NTM: variants seen among roughly 807,000 people sequenced by gnomAD.
The protein encoded by NTM is neurotrimin, also known as IgLON family member 2.
NTM carries 13 observed loss-of-function variants against 42.1 expected under a neutral mutation model. The observed-to-expected ratio is 0.31, with a 90% CI of 0.20 to 0.49. The LOEUF (loss-of-function observed/expected upper bound fraction) is 0.49, where lower values mean the gene tolerates loss of function less well. Ranked by LOEUF, NTM falls within the 20% of genes least tolerant of loss-of-function variation. The pLI is 0.99. For synonymous variants in NTM, 187 were observed against 179.2 expected, an observed-to-expected ratio of 1.04 and a Z score of -0.35; for missense variants, 373 against 452.8, an observed-to-expected ratio of 0.82 and a Z score of 1.60.
chr11:131,720,477 C>T (rs1362009976), intron 1 of NTM, among the ~76,000 whole-genome samples: 2 of 152,156 alleles, frequency 1.3e-5, no homozygotes, highest in African/African-American at 4.8e-5. Context: ...CTGGAAAAGT[C>T]ATCCATTTTT....
intron 1 of NTM, among the ~76,000 whole-genome samples, chr11:131,589,167 A>ATGCG (rs1555158908): frequency 1.4e-5 from 2 of 143,508 alleles, no homozygotes; most frequent in East Asian, 4.0e-4. Context: ...ACCTGGAAAA[A>ATGCG]TGTGTGTGTG....
rs1592118831 is a variant in NTM at position 132,336,770 on chromosome 11, A to G, written c.*1624A>G. On this transcript the variant is annotated 3_prime_UTR_variant, in exon 9 of 9. Coordinates refer to ENST00000683400, the MANE Select transcript of NTM (RefSeq NM_001352005.2). ...GGAAAGGGGGATTGGGGGATCCGGG[A>G]GGGTGGGGTTGTCTCTGACTTGACA... 7.2e-6 allele frequency: 1 copy of G among 138,088 alleles called. No individual in the cohort carries two copies. The highest frequency in any genetic ancestry group is 2.6e-5 in the African/African-American group (1 of 37,950). 8.6% of individuals were successfully genotyped at this position (138,088 alleles called of 1,614,324 possible).
chr11:131,883,190 C>G (rs2049827850), intron 1 of NTM, among the ~76,000 whole-genome samples: 1 of 152,202 alleles, frequency 6.6e-6, no homozygotes, highest in South Asian at 2.1e-4. Context: ...CACATCAGGA[C>G]ATAACCTTTT....
intron 3 of NTM, among the ~76,000 whole-genome samples, chr11:132,154,500 ATTC>A (rs1259485015): frequency 1.3e-5 from 2 of 152,196 alleles, no homozygotes; most frequent in Non-Finnish European, 2.9e-5. Flanking sequence ...TGTAATAATG[ATTC>A]TTCTTCCATA....
At chr11:131,638,707 A>G (rs2064751944) in intron 1 of NTM, among the ~76,000 whole-genome samples, 1 of 152,088 alleles carries the variant, frequency 6.6e-6, no homozygotes, top group African/African-American at 2.4e-5. Context: ...TTCTAAGGAT[A>G]ACGATAGCAT....
Position 131,618,906 on chromosome 11 carries a change from G to A in NTM, c.82+248018G>A, listed in dbSNP as rs571713655. Among the ~76,000 whole-genome samples, 6 of 152,314 alleles carry A rather than the reference G, an allele frequency of 3.9e-5. No homozygotes were observed. The East Asian group carries it at 5.8e-4, about 15-fold the overall frequency. On this transcript the variant is annotated intron_variant, in intron 1 of 8. Transcript: ENST00000683400. ...AGATGGTATTCCTGAAGAAATGAGA[G>A]TGAAGACATAGAAAATCATAATTGT...
rs943513429 is a variant in NTM at position 131,835,162 on chromosome 11, C to A, written c.83-76402C>A. ...GTAGATACCAATTATTTGTTTTCTG[C>A]CAAGATTTAACATATGTATTTGGGC... is the stretch of plus-strand genomic sequence containing the variant. On this transcript the variant is annotated intron_variant, in intron 1 of 8. Coordinates refer to ENST00000683400, the MANE Select transcript of NTM (RefSeq NM_001352005.2). Among the ~76,000 whole-genome samples the A allele has an allele frequency of 2.1e-4, 32 of 151,954 alleles. 2 individuals are homozygous for A. The highest frequency in any genetic ancestry group is 2.9e-5 in the Non-Finnish European group (2 of 67,966).
At chr11:131,890,805 G>T (rs2051205624) in intron 1 of NTM, among the ~76,000 whole-genome samples, 1 of 152,150 alleles carries the variant, frequency 6.6e-6, no homozygotes, top group Admixed American at 6.5e-5. Flanking sequence ...TCTGGGATGA[G>T]GTTGACTTGA....
At chr11:132,187,275 C>T (rs1261996062) in intron 3 of NTM, among the ~76,000 whole-genome samples, 2 of 150,294 alleles carry the variant, frequency 1.3e-5, no homozygotes, top group African/African-American at 2.5e-5. Flanking sequence ...GATTGAATGC[C>T]CTGAAAAAAC....
At chr11:131,577,409 A>C (rs1250871648) in intron 1 of NTM, among the ~76,000 whole-genome samples, 1 of 152,166 alleles carries the variant, frequency 6.6e-6, no homozygotes, top group African/African-American at 2.4e-5. Context: ...CACAGAGCAA[A>C]TGTGGATAAT....
intron 4 of NTM, among the ~76,000 whole-genome samples, chr11:132,306,700 G>A (rs1290462929): frequency 6.6e-6 from 1 of 152,142 alleles, no homozygotes; most frequent in Non-Finnish European, 1.5e-5. Context: ...CCTTTTAAAG[G>A]TATCCAGGTT....
intron 1 of NTM, among the ~76,000 whole-genome samples, chr11:131,672,411 G>C (rs80301791): frequency 6.6e-6 from 1 of 152,176 alleles, no homozygotes; most frequent in African/African-American, 2.4e-5. Flanking sequence ...CGAAGCACGC[G>C]TGGGCGTGTT....
chr11:131,749,182 A>G (rs1186770441), intron 1 of NTM, among the ~76,000 whole-genome samples: 1 of 152,210 alleles, frequency 6.6e-6, no homozygotes, highest in Non-Finnish European at 1.5e-5. Flanking sequence ...TGGAAATCAT[A>G]AAGTGATCAG....
intron 1 of NTM, among the ~76,000 whole-genome samples, chr11:131,523,782 C>CA (rs3040114): frequency 0.24 from 16,835 of 71,070 alleles, 2,559 homozygotes; most frequent in African/African-American, 0.37. Flanking sequence ...GACTCCATCT[C>CA]AAAAAAAAAA....
intron 3 of NTM, among the ~76,000 whole-genome samples, chr11:132,187,086 G>C (rs1296452648): frequency 1.3e-5 from 2 of 152,184 alleles, no homozygotes. Flanking sequence ...AGCAGGGCCA[G>C]ACTGGCTACC....
chr11:131,574,341 C>T (rs2057732480), intron 1 of NTM, among the ~76,000 whole-genome samples: 1 of 152,160 alleles, frequency 6.6e-6, no homozygotes, highest in Non-Finnish European at 1.5e-5. Flanking sequence ...AAAGCCCCCT[C>T]AGGTGCCCCA....
chr11:132,052,124 T>G (rs1276440017), intron 2 of NTM, among the ~76,000 whole-genome samples: 1 of 152,170 alleles, frequency 6.6e-6, no homozygotes, highest in Non-Finnish European at 1.5e-5. Context: ...TATTGGGGTG[T>G]TAAAGAAATA....
At chr11:131,742,905 G>A (rs1382573016) in intron 1 of NTM, among the ~76,000 whole-genome samples, 1 of 152,202 alleles carries the variant, frequency 6.6e-6, no homozygotes, top group Non-Finnish European at 1.5e-5. Flanking sequence ...GGAAACGCTT[G>A]TCTACTGAGG....
At chr11:131,946,588 C>A (rs2060369214) in intron 2 of NTM, among the ~76,000 whole-genome samples, 1 of 152,166 alleles carries the variant, frequency 6.6e-6, no homozygotes, top group African/African-American at 2.4e-5. Flanking sequence ...AGAACTTTAT[C>A]TTTCTTCTCC....
Sources: gnomAD v4.1 joint callset for allele counts (sites outside exome capture counted in the v4.1 genomes callset) on GRCh38, gnomAD v4.1.1 for gene constraint, MANE v1.5 for transcripts, NCBI Gene and HGNC (gene_info 2026-07-23, HGNC 2026-07-21) for gene names.